The following PPP2R1B variants were observed in gnomAD, a reference collection of about 807,000 sequenced individuals.
PPP2R1B encodes serine/threonine-protein phosphatase 2A 65 kDa regulatory subunit A beta isoform.
PPP2R1B carries 58 observed loss-of-function variants against 72.7 expected under a neutral mutation model. That is an observed-to-expected ratio of 0.80 (90% CI 0.65 to 0.99). The LOEUF (loss-of-function observed/expected upper bound fraction) is 0.99, where lower values mean the gene tolerates loss of function less well. PPP2R1B is among the 50% of genes least tolerant of loss of function. The pLI is 0.00. For missense variants in PPP2R1B, 695 were observed against 733.6 expected, an observed-to-expected ratio of 0.95 and a Z score of 0.61; for synonymous variants, 256 against 264.6, an observed-to-expected ratio of 0.97 and a Z score of 0.32.
At chr11:111,707,009 G>C in the PPP2R1B span, among the ~76,000 whole-genome samples, 1 of 149,968 alleles carries the variant, frequency 6.7e-6, no homozygotes, top group Non-Finnish European at 1.5e-5. Flanking sequence ...GTAAAATAAT[G>C]TGTCCATATA....
chr11:111,706,853 G>A, the PPP2R1B span, among the ~76,000 whole-genome samples: 1 of 151,310 alleles, frequency 6.6e-6, no homozygotes, highest in African/African-American at 2.4e-5. Flanking sequence ...CCAGCTACTT[G>A]GGAGGCTGAG....
downstream of PPP2R1B, among the ~76,000 whole-genome samples, chr11:111,734,829 G>C (rs540713958): frequency 2.4e-4 from 36 of 152,306 alleles, no homozygotes; most frequent in African/African-American, 8.2e-4. Flanking sequence ...AGACCCCCCA[G>C]GGCAGCGCGA....
At chr11:111,703,304 G>A in the PPP2R1B span, 2 of 1,614,192 alleles carry the variant, frequency 1.2e-6, no homozygotes, top group South Asian at 1.1e-5. Flanking sequence ...AGAAGTTCCT[G>A]TCCAGAGACC....
the PPP2R1B span, chr11:111,703,527 A>G: frequency 5.2e-6 from 5 of 960,378 alleles, no homozygotes; most frequent in Middle Eastern, 6.4e-4. Flanking sequence ...TCCAGCGCCT[A>G]GGCGTACTGT....
chr11:111,723,881 T>A (rs1268317204), downstream of PPP2R1B: 1 of 1,610,240 alleles, frequency 6.2e-7, no homozygotes, highest in Non-Finnish European at 8.5e-7. Flanking sequence ...CTTACAGTTC[T>A]CCTATCAGAC....
At chr11:111,694,353 C>G in the PPP2R1B span, among the ~76,000 whole-genome samples, 1 of 151,996 alleles carries the variant, frequency 6.6e-6, no homozygotes, top group Non-Finnish European at 1.5e-5. Flanking sequence ...TGAGAGAGAC[C>G]TTAAATGTAA....
chr11:111,731,320 T>C (rs765736791), intron 15 of PPP2R1B, among the ~76,000 whole-genome samples: 2 of 152,114 alleles, frequency 1.3e-5, no homozygotes, highest in African/African-American at 4.8e-5. Flanking sequence ...CAAAAGACAC[T>C]GCTACTTAGT....
At chr11:111,748,147 A>C (rs1944771277) in intron 10 of PPP2R1B, 133 bp from the exon 11 acceptor site, 1 of 684,236 alleles carries the variant, frequency 1.5e-6, no homozygotes, top group Non-Finnish European at 2.4e-6. Flanking sequence ...AGATAGAAAC[A>C]CCACAGGAAT....
chr11:111,734,076 T>C (rs1321042715), downstream of PPP2R1B, among the ~76,000 whole-genome samples: 1 of 152,176 alleles, frequency 6.6e-6, no homozygotes, highest in Non-Finnish European at 1.5e-5. Flanking sequence ...ACAGGCTGGC[T>C]GGTTTCACCC....
rs768792261 is a variant in PPP2R1B, at chr11:111,747,915, G to A, written c.1399+39C>T. ...TAAAAGGAAATGTATGAAAATCATG[G>A]ATATATGGGCTTTCAATAATCTGTT... On this transcript the variant is annotated intron_variant, in intron 11 of 14. Transcript: ENST00000527614. 3.2e-6 allele frequency: 5 copies of A among 1,545,140 alleles called. No individual in the cohort carries two copies. The South Asian group carries it at 3.4e-5, about 11-fold the overall frequency.
At position 111,756,285 on chromosome 11, in the gene PPP2R1B, T is replaced by C. The variant is rs189362724; in HGVS notation, c.688-835A>G. On this transcript the variant is annotated intron_variant, in intron 5 of 14. Transcript: ENST00000527614. ...GAATGGCATGTCAAAGTCATAAAGATAGAAATGACTTTGTACTATGAGTAA... is the reference window on the plus strand; with the variant it reads ...GAATGGCATGTCAAAGTCATAAAGACAGAAATGACTTTGTACTATGAGTAA... 4.4e-3 allele frequency among the ~76,000 whole-genome samples: 654 copies of C among 150,166 alleles called. 10 individuals carry two copies. Among genetic ancestry groups the C allele is most frequent in the African/African-American group, 0.015 (628 of 40,982 alleles).
chr11:111,758,891 T>C (rs1555050459), intron 5 of PPP2R1B, among the ~76,000 whole-genome samples: 1 of 152,208 alleles, frequency 6.6e-6, no homozygotes, highest in Non-Finnish European at 1.5e-5. Flanking sequence ...ATTTTCAAAG[T>C]AGGATTTAGA....
At chr11:111,704,123 C>T in the PPP2R1B span, among the ~76,000 whole-genome samples, 2 of 152,214 alleles carry the variant, frequency 1.3e-5, no homozygotes, top group African/African-American at 4.8e-5. Context: ...GCCTTTCCCC[C>T]GCCACGTAGC....
downstream of PPP2R1B, among the ~76,000 whole-genome samples, chr11:111,735,957 T>C (rs1251046298): frequency 6.6e-6 from 1 of 152,114 alleles, no homozygotes; most frequent in Non-Finnish European, 1.5e-5. Flanking sequence ...TCATTTTCCT[T>C]AAGTGAAACA....
At chr11:111,741,938 C>T (rs964916163) in intron 14 of PPP2R1B, 115 bp downstream of exon 14, 6 of 959,442 alleles carry the variant, frequency 6.3e-6, no homozygotes, top group African/African-American at 1.6e-5. Flanking sequence ...AACTTACTAC[C>T]CTCCCTGTTT....
the PPP2R1B span, among the ~76,000 whole-genome samples, chr11:111,719,388 A>T: frequency 1 from 135,295 of 135,302 alleles, 67,644 homozygotes; most frequent in Middle Eastern, 1. Flanking sequence ...CAATGAGCCA[A>T]GTAGTTAAAA....
the PPP2R1B span, chr11:111,720,019 G>C: frequency 6.2e-7 from 1 of 1,604,742 alleles, no homozygotes; most frequent in Non-Finnish European, 8.5e-7. Flanking sequence ...GTAGAGGAGC[G>C]ACACTAGCTT....
At chr11:111,711,410 C>G in the PPP2R1B span, among the ~76,000 whole-genome samples, 1 of 152,104 alleles carries the variant, frequency 6.6e-6, no homozygotes, top group Non-Finnish European at 1.5e-5. Flanking sequence ...CATGAGCCAC[C>G]GCGCCTGGCC....
chr11:111,724,289 T>C (rs1943900816), downstream of PPP2R1B: 1 of 1,042,890 alleles, frequency 9.6e-7, no homozygotes, highest in East Asian at 2.6e-5. Context: ...GGGTGGATGT[T>C]GCTTCCTCCT....
Sources: allele counts gnomAD v4.1 joint callset (sites outside exome capture counted in the v4.1 genomes callset), GRCh38; gene constraint gnomAD v4.1.1; transcripts MANE v1.5; gene names NCBI Gene and HGNC (gene_info 2026-07-23, HGNC 2026-07-21).